COL4A2: variants seen among roughly 807,000 people sequenced by gnomAD.
COL4A2 encodes the protein collagen type IV alpha 2 chain, also known as collagen alpha-2(IV) chain.
COL4A2 carries 99 observed loss-of-function variants against 200.2 expected under a neutral mutation model. The observed-to-expected ratio is 0.49, with a 90% confidence interval of 0.42 to 0.58. COL4A2 has a LOEUF of 0.58. COL4A2 is among the 20% of genes least tolerant of loss of function. The pLI is 0.00. For missense variants in COL4A2, 1,950 were observed against 2,314.1 expected, an observed-to-expected ratio of 0.84 and a Z score of 3.23; for synonymous variants, 897 against 900.6, an observed-to-expected ratio of 1.00 and a Z score of 0.07.
intron 4 of COL4A2, among the ~76,000 whole-genome samples, chr13:110,392,229 C>T (rs1879011012): frequency 6.6e-6 from 1 of 152,198 alleles, no homozygotes; most frequent in Non-Finnish European, 1.5e-5. Context: ...AACAACTTGA[C>T]TGATTTAAAA....
rs181693999 is a variant in COL4A2, at chr13:110,375,371, G to A, written c.180+17819G>A. 3.5e-4 allele frequency among the ~76,000 whole-genome samples: 53 copies of A among 152,304 alleles called. 1 individual carries two copies. The highest frequency in any genetic ancestry group is 6.5e-4 in the Non-Finnish European group (44 of 68,024). ...CTCAACAGATGGTGGATACTACCACGTTTTCTCTTTCTGTGGAACTTCCGC... is the reference window on the plus strand; with the variant it reads ...CTCAACAGATGGTGGATACTACCACATTTTCTCTTTCTGTGGAACTTCCGC... On this transcript the variant is annotated intron_variant, in intron 4 of 47. Transcript: ENST00000360467.
At chr13:110,409,086 A>G (rs1014917907) in intron 4 of COL4A2, among the ~76,000 whole-genome samples, 3 of 127,832 alleles carry the variant, frequency 2.3e-5, no homozygotes, top group Non-Finnish European at 3.3e-5. Flanking sequence ...ACATGCACAT[A>G]TATACACACG....
rs1878158107 is a variant in COL4A2 at position 110,374,623 on chromosome 13, T to A, written c.180+17071T>A. ...CCAGGAACTGGCAAATCGATTTGGC[T>A]CTTTTTGCTTTCCTCTTTGCTCACA... On this transcript the variant is annotated intron_variant, in intron 4 of 47. Coordinates refer to ENST00000360467, the MANE Select transcript of COL4A2 (RefSeq NM_001846.4). Among the ~76,000 whole-genome samples, 5 of 152,320 alleles carry A rather than the reference T, an allele frequency of 3.3e-5. No individual in the cohort carries two copies. The South Asian group carries it at 1.0e-3, about 32-fold the overall frequency.
chr13:110,376,468 GC>G (rs573846822), intron 4 of COL4A2, among the ~76,000 whole-genome samples: 54 of 151,564 alleles, frequency 3.6e-4, no homozygotes, highest in Middle Eastern at 6.8e-3. Flanking sequence ...ATAATCATTA[GC>G]CCCCCCACCC....
Position 110,428,557 on chromosome 13 carries a change from G to T in COL4A2, c.451G>T (p.Gly151Cys). Residue 151 changes from glycine (G) to cysteine (C), a missense_variant, in exon 7 of 48, where the codon GGC becomes TGC. Gly to Cys is a radical substitution (Grantham distance 159, BLOSUM62 -3). Around this residue, in one of 2 missense-constraint regions of COL4A2, gnomAD observed 565 missense variants for 593.5 expected, o/e 0.95. Transcript: ENST00000360467. Reference protein sequence around the residue: ...QGDSGPQGPPGSEGFTGPPGP... With the variant: ...QGDSGPQGPPCSEGFTGPPGP... ...AGACTCAGGTCCACAGGGGCCCCCC[G>T]GCTCTGAGGGGTTCACCGGGCCTCC... 1.3e-6 allele frequency: 2 copies of T among 1,561,250 alleles called. No individual in the cohort carries two copies. Among genetic ancestry groups the T allele is most frequent in the Non-Finnish European group, 1.7e-6 (2 of 1,160,750 alleles).
In COL4A2 at chr13:110,438,897, G is replaced by A. The variant is rs554830052; in HGVS notation, c.912+229G>A. Reference sequence around the variant, plus strand: ...AATCCGTGAACCATCTTGACACACCGTCTTCACCCAGCAGCAGGTGTGCAG... The same window carrying A: ...AATCCGTGAACCATCTTGACACACCATCTTCACCCAGCAGCAGGTGTGCAG... On this transcript the variant is annotated intron_variant, in intron 15 of 47. Coordinates refer to ENST00000360467, the MANE Select transcript of COL4A2 (RefSeq NM_001846.4). 5.4e-5 allele frequency among the ~76,000 whole-genome samples: 8 copies of A among 147,552 alleles called. 1 individual carries two copies. In the South Asian group the frequency reaches 8.8e-4, roughly 16 times the overall value.
intron 29 of COL4A2, among the ~76,000 whole-genome samples, chr13:110,475,098 T>G (rs1412654720): frequency 6.6e-6 from 1 of 152,230 alleles, no homozygotes; most frequent in South Asian, 2.1e-4. Context: ...CTATGCATGC[T>G]CACACATACA....
intron 3 of COL4A2, among the ~76,000 whole-genome samples, chr13:110,349,946 T>TAG (rs2139379913): frequency 6.6e-6 from 1 of 152,230 alleles, no homozygotes; most frequent in South Asian, 2.1e-4. Flanking sequence ...ACATTCTTAG[T>TAG]AGAGACAGGG....
intron 40 of COL4A2, among the ~76,000 whole-genome samples, chr13:110,496,148 C>T (rs1484286713): frequency 2.0e-5 from 3 of 152,204 alleles, no homozygotes; most frequent in Non-Finnish European, 4.4e-5. Context: ...GCCTGGGCAC[C>T]CTGGGCTCCA....
At chr13:110,416,267 C>G (rs1421808563) in intron 4 of COL4A2, among the ~76,000 whole-genome samples, 2 of 152,240 alleles carry the variant, frequency 1.3e-5, no homozygotes, top group African/African-American at 4.8e-5. Flanking sequence ...AGCCAAAGCT[C>G]TCTGCATGCT....
intron 4 of COL4A2, among the ~76,000 whole-genome samples, chr13:110,375,933 C>T (rs1051525143): frequency 6.6e-6 from 1 of 152,128 alleles, no homozygotes; most frequent in Non-Finnish European, 1.5e-5. Flanking sequence ...TTCTGTGCTG[C>T]AGAAGCATTT....
intron 4 of COL4A2, among the ~76,000 whole-genome samples, chr13:110,387,941 T>C (rs556559196): frequency 6.6e-6 from 1 of 152,296 alleles, no homozygotes; most frequent in South Asian, 2.1e-4. Flanking sequence ...GAGGGTGTGT[T>C]TTCCCTCCTG....
intron 27 of COL4A2, chr13:110,468,137 G>A (rs569282141): frequency 6.4e-6 from 3 of 471,026 alleles, no homozygotes; most frequent in South Asian, 3.1e-5. Flanking sequence ...GAAAGTGGAC[G>A]GACACATTCT....
At chr13:110,311,125 C>T (rs952209081) in intron 3 of COL4A2, among the ~76,000 whole-genome samples, 3 of 152,080 alleles carry the variant, frequency 2.0e-5, no homozygotes, top group African/African-American at 7.2e-5. Flanking sequence ...GAAGGAGGCT[C>T]TCCCCCTCCT....
At chr13:110,420,221 A>G (rs940983435) in intron 4 of COL4A2, among the ~76,000 whole-genome samples, 1 of 152,214 alleles carries the variant, frequency 6.6e-6, no homozygotes, top group African/African-American at 2.4e-5. Context: ...CACTGGTCCC[A>G]TCTGAGCCCC....
chr13:110,308,123 G>T lies in COL4A2; in HGVS notation c.99G>T (p.Ala33=). 6.2e-7 allele frequency: 1 copy of T among 1,613,658 alleles called. No homozygotes were observed. Among genetic ancestry groups the T allele is most frequent in the Non-Finnish European group, 8.5e-7 (1 of 1,180,016 alleles). ...GGTTCCTCGCCCAGAGCGTCTTGGC[G>T]GTAAGTCCTGGCTCCCGCGCTTGGA... ...TVGFLAQSVL[A]GVKKFDVPCG... The change falls in exon 3 of 48, where the codon GCG becomes GCT. Residue 33 remains alanine, a splice_region_variant and synonymous_variant. Coordinates refer to ENST00000360467, the MANE Select transcript of COL4A2 (RefSeq NM_001846.4).
At chr13:110,397,274 T>C (rs1879212353) in intron 4 of COL4A2, among the ~76,000 whole-genome samples, 2 of 152,184 alleles carry the variant, frequency 1.3e-5, no homozygotes, top group Admixed American at 1.3e-4. Flanking sequence ...CAAATACAAG[T>C]CTAACAGGGA....
intron 31 of COL4A2, 112 bp from the exon 32 acceptor site, chr13:110,482,404 C>G: frequency 8.4e-7 from 1 of 1,191,144 alleles, no homozygotes; most frequent in Non-Finnish European, 1.2e-6. Context: ...ATTTTAGGTT[C>G]AGAATCTTCT....
intron 18 of COL4A2, 103 bp from the exon 19 acceptor site, chr13:110,449,576 A>T: frequency 9.0e-7 from 1 of 1,114,184 alleles, no homozygotes; most frequent in Non-Finnish European, 1.3e-6. Flanking sequence ...CGCATACAGC[A>T]TATGGAGCAT....
Sources: allele counts gnomAD v4.1 joint callset (sites outside exome capture counted in the v4.1 genomes callset), GRCh38; gene constraint gnomAD v4.1.1; regional missense constraint gnomAD v4.1.1; transcripts MANE v1.5; gene names NCBI Gene and HGNC (gene_info 2026-07-23, HGNC 2026-07-21).